GALNTL6: variants seen among roughly 807,000 people sequenced by gnomAD.
The protein encoded by GALNTL6 is polypeptide N-acetylgalactosaminyltransferase-like 6.
Under a neutral mutation model 73.7 loss-of-function variants are expected in GALNTL6, and 46 were observed. The observed-to-expected ratio is 0.62, with a 90% confidence interval of 0.49 to 0.80. The LOEUF (loss-of-function observed/expected upper bound fraction) is 0.80. GALNTL6 is among the 30% of genes least tolerant of loss of function. The probability of loss-of-function intolerance (pLI) is 0.00; values close to 1 mark genes in which losing one functional copy is unlikely to be tolerated. For synonymous variants in GALNTL6, 259 were observed against 263.7 expected (o/e 0.98, Z 0.17); for missense variants, 604 against 755.0 (o/e 0.80, Z 2.34).
At chr4:171,973,728 G>A (rs958419596) in intron 2 of GALNTL6, among the ~76,000 whole-genome samples, 10 of 152,172 alleles carry the variant, frequency 6.6e-5, no homozygotes, top group Admixed American at 5.2e-4. Flanking sequence ...AGGAAGAGCA[G>A]TGTTAAAACT....
chr4:172,876,705 C>T (rs1903126), intron 7 of GALNTL6, among the ~76,000 whole-genome samples: 97,129 of 152,022 alleles, frequency 0.64, 33,348 homozygotes, highest in East Asian at 0.91. Flanking sequence ...ATGGTAATTT[C>T]TAGACATGAA....
chr4:171,870,134 G>A (rs1736096352), intron 2 of GALNTL6, among the ~76,000 whole-genome samples: 1 of 152,154 alleles, frequency 6.6e-6, no homozygotes, highest in African/African-American at 2.4e-5. Context: ...TTCTTCACTG[G>A]AAGATGAGCG....
chr4:172,208,862 A>G (rs1248062933), intron 2 of GALNTL6, among the ~76,000 whole-genome samples: 2 of 152,130 alleles, frequency 1.3e-5, no homozygotes, highest in Non-Finnish European at 2.9e-5. Context: ...CCGAAGAACC[A>G]TTATCTTCAA....
chr4:172,100,283 C>T (rs886657721), intron 2 of GALNTL6, among the ~76,000 whole-genome samples: 1 of 151,862 alleles, frequency 6.6e-6, no homozygotes, highest in Non-Finnish European at 1.5e-5. Flanking sequence ...CATAGCTGGC[C>T]CTTAATGATA....
chr4:172,050,105 C>G (rs1352020376), intron 2 of GALNTL6, among the ~76,000 whole-genome samples: 2 of 151,990 alleles, frequency 1.3e-5, no homozygotes, highest in African/African-American at 4.8e-5. Flanking sequence ...GCAGGCTGGA[C>G]TTTAGTAGTG....
chr4:172,651,913 C>T (rs1327742661), intron 5 of GALNTL6, among the ~76,000 whole-genome samples: 1 of 152,150 alleles, frequency 6.6e-6, no homozygotes, highest in African/African-American at 2.4e-5. Flanking sequence ...GAATTCATAC[C>T]ACCATTATGT....
intron 7 of GALNTL6, among the ~76,000 whole-genome samples, chr4:172,873,452 A>G (rs1406516161): frequency 2.0e-5 from 3 of 152,222 alleles, no homozygotes; most frequent in African/African-American, 7.2e-5. Context: ...GTCATCCTCT[A>G]TGGGTCAGAG....
intron 5 of GALNTL6, among the ~76,000 whole-genome samples, chr4:172,760,612 C>T (rs924719468): frequency 6.6e-6 from 1 of 152,112 alleles, no homozygotes; most frequent in Non-Finnish European, 1.5e-5. Context: ...AATAACATGC[C>T]CTGGCCTGCA....
chr4:172,500,629 G>A lies in GALNTL6; in HGVS notation c.553+151940G>A, dbSNP rs559165476. On this transcript the variant is annotated intron_variant, in intron 5 of 12. Coordinates refer to ENST00000506823, the MANE Select transcript of GALNTL6 (RefSeq NM_001034845.3). ...CATGTCTAGCAAAAATAATGTTCAG[G>A]AAAAAAAAATCAAGCAAATCTACCA... Among the ~76,000 whole-genome samples the A allele has an allele frequency of 3.7e-3, 552 of 147,404 alleles. 3 individuals carry two copies. The highest frequency in any genetic ancestry group is 7.1e-3 in the Middle Eastern group (2 of 282).
intron 7 of GALNTL6, among the ~76,000 whole-genome samples, chr4:172,860,817 G>A (rs756522470): frequency 2.0e-5 from 3 of 152,166 alleles, no homozygotes; most frequent in Non-Finnish European, 4.4e-5. Flanking sequence ...TCAGCCATTA[G>A]TACATTTTAT....
intron 5 of GALNTL6, among the ~76,000 whole-genome samples, chr4:172,383,138 A>C (rs1445877647): frequency 6.6e-6 from 1 of 152,080 alleles, no homozygotes; most frequent in African/African-American, 2.4e-5. Context: ...TGTATATTTT[A>C]GGATCAGCTT....
intron 2 of GALNTL6, among the ~76,000 whole-genome samples, chr4:172,199,747 G>T (rs190768968): frequency 0.036 from 5,493 of 151,238 alleles, 296 homozygotes; most frequent in African/African-American, 0.12. Context: ...AAGATTTTTT[G>T]TTGTTGTTGT....
At chr4:172,763,165 G>C (rs1289908050) in intron 5 of GALNTL6, among the ~76,000 whole-genome samples, 3 of 150,924 alleles carry the variant, frequency 2.0e-5, no homozygotes, top group Non-Finnish European at 4.4e-5. Flanking sequence ...ACAGTCTAAA[G>C]ACAGTCGAGA....
At chr4:172,915,978 A>C in intron 8 of GALNTL6, among the ~76,000 whole-genome samples, 1 of 152,248 alleles carries the variant, frequency 6.6e-6, no homozygotes, top group South Asian at 2.1e-4. Flanking sequence ...CCTGATGAAC[A>C]GTGATGCAAA....
At chr4:172,888,751 G>A (rs1268022455) in intron 8 of GALNTL6, among the ~76,000 whole-genome samples, 2 of 152,088 alleles carry the variant, frequency 1.3e-5, no homozygotes, top group Non-Finnish European at 2.9e-5. Flanking sequence ...CTCTTTTGTT[G>A]CTTCCATATG....
intron 5 of GALNTL6, among the ~76,000 whole-genome samples, chr4:172,806,555 C>G (rs1440198441): frequency 6.6e-6 from 1 of 152,154 alleles, no homozygotes; most frequent in Admixed American, 6.5e-5. Context: ...TTAGAATATT[C>G]TAGAACAACT....
intron 10 of GALNTL6, among the ~76,000 whole-genome samples, chr4:172,970,096 T>C (rs1216708909): frequency 6.6e-6 from 1 of 151,944 alleles, no homozygotes; most frequent in Non-Finnish European, 1.5e-5. Context: ...GTCACAAAGA[T>C]CACATGCTTC....
At chr4:172,377,715 G>A (rs1243666998) in intron 5 of GALNTL6, among the ~76,000 whole-genome samples, 3 of 152,124 alleles carry the variant, frequency 2.0e-5, no homozygotes, top group Non-Finnish European at 2.9e-5. Flanking sequence ...AAGAATTCTA[G>A]TGCGGCACGG....
intron 5 of GALNTL6, among the ~76,000 whole-genome samples, chr4:172,391,924 G>C (rs148030274): frequency 6.6e-6 from 1 of 152,052 alleles, no homozygotes; most frequent in Non-Finnish European, 1.5e-5. Flanking sequence ...CGATTGAAAG[G>C]ACACACTAAT....
Sources: gnomAD v4.1 joint callset for allele counts (sites outside exome capture counted in the v4.1 genomes callset) on GRCh38, gnomAD v4.1.1 for gene constraint, MANE v1.5 for transcripts, NCBI Gene and HGNC (gene_info 2026-07-23, HGNC 2026-07-21) for gene names.